SALL4: variants seen among roughly 807,000 people sequenced by gnomAD.
SALL4 encodes the protein sal-like protein 4.
A neutral mutation model predicts 60.8 loss-of-function variants in SALL4; 4 were observed. That is an observed-to-expected ratio of 0.07 (90% CI 0.03 to 0.15). The LOEUF (loss-of-function observed/expected upper bound fraction) is 0.15. Ranked by LOEUF, SALL4 falls within the 10% of genes least tolerant of loss-of-function variation. SALL4 has a pLI of 1.00. For synonymous variants in SALL4, 580 were observed against 574.9 expected (o/e 1.01, Z -0.13); for missense variants, 1,178 against 1,394.7 (o/e 0.84, Z 2.48).
chr20:51,799,065 T>C (rs558953238), intron 1 of SALL4, among the ~76,000 whole-genome samples: 3 of 152,200 alleles, frequency 2.0e-5, no homozygotes, highest in East Asian at 1.9e-4. Flanking sequence ...CCCAGCCTGG[T>C]GTCTGGCAGG....
intron 1 of SALL4, chr20:51,793,085 A>G (rs1726874664): frequency 1.8e-6 from 1 of 556,440 alleles, no homozygotes; most frequent in African/African-American, 2.1e-5. Flanking sequence ...TGGCCCACCC[A>G]CCCATAGTGT....
rs1285108454 is a variant in SALL4 at position 51,801,047 on chromosome 20, T to G, written c.130+1232A>C. On this transcript the variant is annotated intron_variant, in intron 1 of 3. Coordinates refer to ENST00000217086, the MANE Select transcript of SALL4 (RefSeq NM_020436.5). This position sits in a 1 kb window ranked among gnomAD's most constrained non-coding sequence, Gnocchi z 5.2. ...CCTCCGGGGTTGCCGCGCACACCCG[T>G]CTGCTGCAGGGAAATTAGAAAGCAG... 1.3e-5 allele frequency among the ~76,000 whole-genome samples: 2 copies of G among 151,994 alleles called. No homozygotes were observed. The highest frequency in any genetic ancestry group is 2.9e-5 in the Non-Finnish European group (2 of 67,984).
Position 51,791,128 on chromosome 20 carries a change from C to T in SALL4, c.1355G>A (p.Gly452Asp). Residue 452 changes from glycine to aspartate, a missense_variant, in exon 2 of 4, where the codon GGC (glycine) becomes GAC (aspartate). By Grantham distance (94) the Gly-to-Asp change is moderately conservative. Around this residue, in one of 5 missense-constraint regions of SALL4, gnomAD observed 853 missense variants for 1,036.8 expected, o/e 0.82. Transcript: ENST00000217086. The surrounding 1 kb of genome is among the most constrained non-coding windows in gnomAD (Gnocchi z 4.6). The part of the protein sequence containing the change: ...FAEFQDKVAA[G>D]NGIPYALSVP... ...AGAGAGTGCATAGGGGATGCCATTGCCGGCCGCCACTTTGTCCTGGAACTC... is the reference window on the plus strand; with the variant it reads ...AGAGAGTGCATAGGGGATGCCATTGTCGGCCGCCACTTTGTCCTGGAACTC... 6.2e-7 allele frequency: 1 copy of T among 1,614,116 alleles called. No individual in the cohort carries two copies. Among genetic ancestry groups the T allele is most frequent in the South Asian group, 1.1e-5 (1 of 91,078 alleles).
At chr20:51,796,196 C>CAAAAA (rs11474910) in intron 1 of SALL4, among the ~76,000 whole-genome samples, 8 of 90,438 alleles carry the variant, frequency 8.8e-5, no homozygotes, top group East Asian at 5.8e-4. Flanking sequence ...AAGACTGTCT[C>CAAAAA]AAAAAAAAAA....
chr20:51,800,316 T>G (rs1326591109), intron 1 of SALL4, among the ~76,000 whole-genome samples: 2 of 152,174 alleles, frequency 1.3e-5, no homozygotes. Context: ...AGGGCTAGGC[T>G]TCAAGCTGGG....
intron 1 of SALL4, among the ~76,000 whole-genome samples, chr20:51,796,257 A>G (rs2078079458): frequency 6.6e-6 from 1 of 151,864 alleles, no homozygotes; most frequent in East Asian, 1.9e-4. Context: ...CCCTCAATAA[A>G]GCCCATGCAA....
At chr20:51,794,514 G>A (rs2078068758) in intron 1 of SALL4, among the ~76,000 whole-genome samples, 1 of 152,026 alleles carries the variant, frequency 6.6e-6, no homozygotes, top group South Asian at 2.1e-4. Context: ...TTGTGCCATT[G>A]TACTCCAGCC....
In SALL4 at chr20:51,784,413, G is replaced by T; in HGVS notation, c.3014C>A (p.Thr1005Asn). 1 of 1,614,188 alleles carries T rather than the reference G, an allele frequency of 6.2e-7. No individual in the cohort carries two copies. The highest frequency in any genetic ancestry group is 2.2e-5 in the East Asian group (1 of 44,878). Residue 1005 changes from threonine to asparagine, a missense_variant, in exon 4 of 4, where the codon ACC becomes AAC. This residue lies in a region of SALL4 where 174 missense variants were observed against 169.6 expected (regional missense o/e 1.03). Coordinates refer to ENST00000217086, the MANE Select transcript of SALL4 (RefSeq NM_020436.5). The stretch of plus-strand genomic sequence containing the variant: ...GACAGTGGCGTTATTCACAACGGAG[G>T]TGGCCCCCAAGGAAACCGGGAGGGT... ...VPTLPVSLGA[T>N]SVVNNATVSK...
In SALL4 at chr20:51,791,937, G is replaced by C; in HGVS notation, c.546C>G (p.Thr182=). ...CCTTGGTGCCCCGTAGTGCCTGCAAGGTCACATTAGTGTTGGCCACTTTGC... is the reference window on the plus strand; with the variant it reads ...CCTTGGTGCCCCGTAGTGCCTGCAACGTCACATTAGTGTTGGCCACTTTGC... ...AKGKVANTNV[T]LQALRGTKVA... is the part of the protein sequence containing the mutation. Residue 182 remains threonine, a synonymous_variant, in exon 2 of 4, where the codon ACC becomes ACG. Coordinates refer to ENST00000217086, the MANE Select transcript of SALL4 (RefSeq NM_020436.5). This position sits in a 1 kb window ranked among gnomAD's most constrained non-coding sequence, Gnocchi z 4.6. 6.2e-7 allele frequency: 1 copy of C among 1,614,218 alleles called. No homozygotes were observed. Among genetic ancestry groups the C allele is most frequent in the Non-Finnish European group, 8.5e-7 (1 of 1,180,040 alleles).
rs773297087 is a variant in SALL4 at position 51,790,998 on chromosome 20, G to C, written c.1485C>G (p.Pro495=). The C allele has an allele frequency of 1.2e-6, 2 of 1,614,194 alleles. No homozygotes were observed. Among genetic ancestry groups the C allele is most frequent in the South Asian group, 2.2e-5 (2 of 91,080 alleles). Residue 495 remains proline (P), a synonymous_variant, in exon 2 of 4, where the codon CCC becomes CCG. Transcript: ENST00000217086. The surrounding 1 kb of genome is among the most constrained non-coding windows in gnomAD (Gnocchi z 5.5). ...GCAAGGAGCCACCCGTGAGGTCCTT[G>C]GGATTAGTCCCCGAAGAAAGATTCT... is the stretch of plus-strand genomic sequence containing the variant. ...LPQNLSSGTN[P]KDLTGGSLPG...
chr20:51,800,089 G>A (rs2078100600), intron 1 of SALL4, among the ~76,000 whole-genome samples: 1 of 152,128 alleles, frequency 6.6e-6, no homozygotes, highest in Non-Finnish European at 1.5e-5. Context: ...GGCAATTGGA[G>A]GCTCTGCAAA....
At chr20:51,797,845 A>T (rs2078087835) in intron 1 of SALL4, among the ~76,000 whole-genome samples, 1 of 152,156 alleles carries the variant, frequency 6.6e-6, no homozygotes, top group Non-Finnish European at 1.5e-5. Context: ...ATTGTATAGG[A>T]AGAAAGTTCA....
chr20:51,792,556 G>A (rs1183822209), intron 1 of SALL4, among the ~76,000 whole-genome samples: 2 of 151,898 alleles, frequency 1.3e-5, no homozygotes, highest in Non-Finnish European at 2.9e-5. Flanking sequence ...GGGCATGGTG[G>A]TGGGCTCCTG....
At chr20:51,798,376 ACTC>A (rs66923046) in intron 1 of SALL4, among the ~76,000 whole-genome samples, 10,822 of 145,168 alleles carry the variant, frequency 0.075, 523 homozygotes, top group Non-Finnish European at 0.11. Context: ...AAGTTTGCAA[ACTC>A]CATGAGGGCA....
chr20:51,787,631 C>T (rs2078002358), intron 3 of SALL4, among the ~76,000 whole-genome samples: 1 of 151,428 alleles, frequency 6.6e-6, no homozygotes, highest in Non-Finnish European at 1.5e-5. Context: ...GTCTGGCTTT[C>T]AAGTTTTGAA....
Position 51,802,329 on chromosome 20 carries a change from G to T in SALL4, c.80C>A (p.Thr27Asn). The T allele has an allele frequency of 1.2e-6, 2 of 1,610,804 alleles. No individual in the cohort carries two copies. The highest frequency in any genetic ancestry group is 1.7e-6 in the Non-Finnish European group (2 of 1,179,698). The change falls in exon 1 of 4, where the codon ACC becomes AAC. Residue 27 changes from threonine (T) to asparagine (N), a missense_variant. By Grantham distance (65) the Thr-to-Asn change is moderately conservative (BLOSUM62 0). Transcript: ENST00000217086. ...TGGGGCCGCATCTGCAAACTCCGGG[G>T]TCTGCTGCTGCGGCTGCTGCTCGCC... The part of the protein sequence containing the change: ...DQGEQQPQQQ[T>N]PEFADAAPAA...
chr20:51,787,306 T>C (rs1312240672), intron 3 of SALL4, among the ~76,000 whole-genome samples: 1 of 145,774 alleles, frequency 6.9e-6, no homozygotes. Context: ...CGCCTGTAAT[T>C]CCAGCCACTC....
intron 3 of SALL4, among the ~76,000 whole-genome samples, chr20:51,784,916 T>C (rs1216709501): frequency 2.0e-5 from 3 of 152,222 alleles, no homozygotes; most frequent in Non-Finnish European, 2.9e-5. Flanking sequence ...CAGTTTAGCC[T>C]ACCTCAAACA....
In SALL4 at chr20:51,789,021, G is replaced by C; in HGVS notation, c.2582C>G (p.Ala861Gly). Residue 861 changes from alanine to glycine, a missense_variant, in exon 3 of 4, where the codon GCC becomes GGC. Physicochemically the swap from Ala to Gly is moderately conservative, Grantham distance 60. This residue lies in a region of SALL4 where 853 missense variants were observed against 1,036.8 expected (regional missense o/e 0.82). Transcript: ENST00000217086. Reference protein sequence around the residue: ...LSPGMTPLLAAQPRRQAKQHG... With the variant: ...LSPGMTPLLAGQPRRQAKQHG... ...TTGCTTGGCCTGTCGGCGTGGCTGG[G>C]CTGCTAACAAAGGGGTCATCCCTGG... 6.2e-7 allele frequency: 1 copy of C among 1,614,228 alleles called. No homozygotes were observed. Among genetic ancestry groups the C allele is most frequent in the Non-Finnish European group, 8.5e-7 (1 of 1,180,056 alleles).
Sources: gnomAD v4.1 joint callset for allele counts (sites outside exome capture counted in the v4.1 genomes callset) on GRCh38, gnomAD v4.1.1 for gene constraint, gnomAD v4.1.1 regional missense constraint, Gnocchi (gnomAD v3.1) non-coding constraint, MANE v1.5 for transcripts, NCBI Gene and HGNC (gene_info 2026-07-23, HGNC 2026-07-21) for gene names.